Variants in CAB39 observed in about 807,000 individuals in gnomAD.
CAB39 encodes calcium-binding protein 39.
A neutral mutation model predicts 40.0 loss-of-function variants in CAB39; 8 were observed. That is an observed-to-expected ratio of 0.20 (90% CI 0.12 to 0.36). The LOEUF is 0.36. CAB39 is among the 10% of genes least tolerant of loss of function. The probability of loss-of-function intolerance (pLI) is 1.00; values close to 1 mark genes in which losing one functional copy is unlikely to be tolerated. For synonymous variants in CAB39, 156 were observed against 141.6 expected (o/e 1.10, Z -0.72); for missense variants, 270 against 401.1 (o/e 0.67, Z 2.79).
At chr2:230,740,912 A>G (rs1375482359) in intron 1 of CAB39, among the ~76,000 whole-genome samples, 1 of 152,208 alleles carries the variant, frequency 6.6e-6, no homozygotes, top group Non-Finnish European at 1.5e-5. Flanking sequence ...CTCAGTAGAA[A>G]GTGTTTTAGC....
At chr2:230,815,645 G>A (rs1696387026) in intron 7 of CAB39, among the ~76,000 whole-genome samples, 1 of 152,166 alleles carries the variant, frequency 6.6e-6, no homozygotes, top group Non-Finnish European at 1.5e-5. Context: ...TTGACCAAAT[G>A]TTGGATTCTT....
intron 2 of CAB39, among the ~76,000 whole-genome samples, chr2:230,764,648 A>ATG (rs1450083682): frequency 6.6e-6 from 1 of 152,244 alleles, no homozygotes; most frequent in East Asian, 1.9e-4. Flanking sequence ...TGATCTAGTC[A>ATG]AATTTCAGAA....
At chr2:230,815,815 G>T (rs1696390009) in intron 7 of CAB39, among the ~76,000 whole-genome samples, 2 of 152,160 alleles carry the variant, frequency 1.3e-5, no homozygotes, top group Admixed American at 6.5e-5. Context: ...GCCTGTGAGT[G>T]CCCCATGAAC....
At chr2:230,781,539 G>A (rs549119858) in intron 2 of CAB39, among the ~76,000 whole-genome samples, 3 of 152,196 alleles carry the variant, frequency 2.0e-5, no homozygotes, top group Admixed American at 1.3e-4. Context: ...TGAGCTGCTC[G>A]CATGAGTGGC....
chr2:230,817,284 A>G (rs1696418774), intron 7 of CAB39, among the ~76,000 whole-genome samples: 2 of 152,230 alleles, frequency 1.3e-5, no homozygotes, highest in Admixed American at 6.5e-5. Flanking sequence ...AGGGTACACA[A>G]ATGGAAAACT....
intron 2 of CAB39, among the ~76,000 whole-genome samples, chr2:230,763,798 G>T (rs1695335766): frequency 6.6e-6 from 1 of 152,110 alleles, no homozygotes; most frequent in Non-Finnish European, 1.5e-5. Flanking sequence ...ACCAGTACAT[G>T]ATTTTATAAC....
At position 230,759,978 on chromosome 2, in the gene CAB39, G is replaced by A. The variant is rs1212326306; in HGVS notation, c.-24G>A. 4 of 1,380,124 alleles carry A rather than the reference G, an allele frequency of 2.9e-6. No individual in the cohort carries two copies. In the African/African-American group the frequency reaches 5.7e-5, roughly 20 times the overall value. The allele number at this position is 1,380,124 out of a possible 1,614,324, so 85.5% of individuals were successfully genotyped here. A position where few individuals can be genotyped will look rare whatever the true frequency, so the allele number is the denominator to read the frequency against. ...TTCTAGGTAGCACAGGCGGAGTGCA[G>A]CGGAGGCCCCTGCCGCTGCCGTCAT... On this transcript the variant is annotated 5_prime_UTR_variant, in exon 2 of 9. Transcript: ENST00000258418.
chr2:230,751,524 A>T (rs180823140), intron 1 of CAB39, among the ~76,000 whole-genome samples: 1 of 152,332 alleles, frequency 6.6e-6, no homozygotes, highest in East Asian at 1.9e-4. Flanking sequence ...GGAGTGTGTC[A>T]CATAACGCAA....
At chr2:230,776,690 CT>C (rs938265253) in intron 2 of CAB39, among the ~76,000 whole-genome samples, 21 of 106,898 alleles carry the variant, frequency 2.0e-4, no homozygotes, top group African/African-American at 8.4e-4. Flanking sequence ...ACTTCATCCA[CT>C]TTTTTTCTTC....
chr2:230,795,276 CA>C (rs397988179), intron 4 of CAB39, among the ~76,000 whole-genome samples: 100 of 142,058 alleles, frequency 7.0e-4, no homozygotes, highest in Non-Finnish European at 7.1e-4. Context: ...ACTTGATTTC[CA>C]AAAAAAAAAA....
At chr2:230,786,801 G>T (rs377015906) in intron 2 of CAB39, among the ~76,000 whole-genome samples, 2 of 152,324 alleles carry the variant, frequency 1.3e-5, no homozygotes, top group African/African-American at 4.8e-5. Context: ...AATAGAGATA[G>T]TAAAATGGAG....
intron 2 of CAB39, among the ~76,000 whole-genome samples, chr2:230,788,795 A>G (rs1046770838): frequency 8.5e-5 from 13 of 152,140 alleles, no homozygotes; most frequent in African/African-American, 3.1e-4. Context: ...TTCTTTGTCC[A>G]TAGTATTTTT....
chr2:230,745,431 C>A (rs1165797587), intron 1 of CAB39, among the ~76,000 whole-genome samples: 1 of 152,100 alleles, frequency 6.6e-6, no homozygotes, highest in African/African-American at 2.4e-5. Context: ...ATGATGAGTC[C>A]TCAGAGGAGC....
At chr2:230,727,540 G>C (rs2124867536) in intron 1 of CAB39, among the ~76,000 whole-genome samples, 1 of 151,206 alleles carries the variant, frequency 6.6e-6, no homozygotes, top group South Asian at 2.1e-4. Flanking sequence ...TCAGCTTCCT[G>C]AGTGGCTGGG....
intron 2 of CAB39, among the ~76,000 whole-genome samples, chr2:230,784,557 C>T (rs1458533522): frequency 6.6e-6 from 1 of 151,748 alleles, no homozygotes; most frequent in Non-Finnish European, 1.5e-5. Flanking sequence ...GTGAATGAGG[C>T]AAAAAGGAGA....
chr2:230,786,663 G>T (rs1435014113), intron 2 of CAB39, among the ~76,000 whole-genome samples: 1 of 152,134 alleles, frequency 6.6e-6, no homozygotes, highest in East Asian at 1.9e-4. Flanking sequence ...TTAAAACTTT[G>T]ATCTAACCAG....
At position 230,760,026 on chromosome 2, in the gene CAB39, C is replaced by T. The variant is rs767548532; in HGVS notation, c.25C>T (p.His9Tyr). Residue 9 changes from histidine to tyrosine, a missense_variant, in exon 2 of 9, where the codon CAC (histidine) becomes TAC (tyrosine). His to Tyr is a moderately conservative substitution (Grantham distance 83, BLOSUM62 2). Transcript: ENST00000258418. MPFPFGKS[H>Y]KSPADIVKNL... ...CATGCCGTTCCCGTTTGGGAAGTCT[C>T]ACAAATCTCCAGCAGACATTGTGAA... is the stretch of plus-strand genomic sequence containing the variant. 1.2e-6 allele frequency: 2 copies of T among 1,613,152 alleles called. No homozygotes were observed. Among genetic ancestry groups the T allele is most frequent in the Non-Finnish European group, 1.7e-6 (2 of 1,179,262 alleles).
At chr2:230,750,761 C>T (rs969858721) in intron 1 of CAB39, among the ~76,000 whole-genome samples, 22 of 152,004 alleles carry the variant, frequency 1.4e-4, no homozygotes, top group African/African-American at 5.3e-4. Context: ...TATTGCTATC[C>T]AGTTTATATA....
At chr2:230,734,962 A>G (rs1694760651) in intron 1 of CAB39, among the ~76,000 whole-genome samples, 1 of 152,194 alleles carries the variant, frequency 6.6e-6, no homozygotes, top group South Asian at 2.1e-4. Flanking sequence ...CTGTTGAATC[A>G]TAGGAAAGCA....
Sources: gnomAD v4.1 joint callset for allele counts (sites outside exome capture counted in the v4.1 genomes callset) on GRCh38, gnomAD v4.1.1 for gene constraint, MANE v1.5 for transcripts, NCBI Gene and HGNC (gene_info 2026-07-23, HGNC 2026-07-21) for gene names.